Variants in SRP72 observed in about 807,000 individuals in gnomAD.
SRP72 encodes signal recognition particle subunit SRP72.
A neutral mutation model predicts 96.3 loss-of-function variants in SRP72; 49 were observed. That is an observed-to-expected ratio of 0.51 (90% CI 0.40 to 0.65). The LOEUF (loss-of-function observed/expected upper bound fraction) is 0.65, where lower values mean the gene tolerates loss of function less well. Among genes scored for constraint, SRP72 ranks in the 30% least tolerant of loss-of-function variants. The probability of loss-of-function intolerance (pLI) is 0.00; values close to 1 mark genes in which losing one functional copy is unlikely to be tolerated. For synonymous variants in SRP72, 267 were observed against 275.2 expected (o/e 0.97, Z 0.30); for missense variants, 736 against 793.3 (o/e 0.93, Z 0.87).
intron 18 of SRP72, 35 bp from the exon 19 acceptor site, chr4:56,501,649 T>C: frequency 6.3e-6 from 10 of 1,599,444 alleles, no homozygotes; most frequent in Non-Finnish European, 8.5e-6. Context: ...CTTCGTTGAA[T>C]ATATGAGTGA....
At chr4:56,473,976 T>A (rs2110113628) in intron 3 of SRP72, 78 bp from the exon 4 acceptor site, 1 of 1,448,542 alleles carries the variant, frequency 6.9e-7, no homozygotes, top group East Asian at 2.3e-5. Flanking sequence ...ACTTAGTGGT[T>A]CCAAAAAAGG....
Position 56,469,661 on chromosome 4 carries a change from A to G in SRP72, c.118A>G (p.Ile40Val). ...ALKTVNKILQ[I>V]NKDDVTALHC... Reference sequence around the variant, plus strand: ...CTAAAATTGTTCTCTAGTACTACAGATCAACAAAGATGACGTAACTGCCCT... The same window carrying G: ...CTAAAATTGTTCTCTAGTACTACAGGTCAACAAAGATGACGTAACTGCCCT... The change falls in exon 2 of 19, where the codon ATC becomes GTC. Residue 40 changes from isoleucine (I) to valine (V), a missense_variant. Transcript: ENST00000642900. The G allele has an allele frequency of 1.9e-6, 3 of 1,604,510 alleles. No homozygotes were observed. Among genetic ancestry groups the G allele is most frequent in the Non-Finnish European group, 2.6e-6 (3 of 1,173,052 alleles).
chr4:56,475,208 G>A (rs1417621384), intron 5 of SRP72, among the ~76,000 whole-genome samples: 1 of 152,134 alleles, frequency 6.6e-6, no homozygotes, highest in African/African-American at 2.4e-5. Flanking sequence ...AATGTTGAAA[G>A]TTAAAATAAG....
At chr4:56,470,036 G>GCA (rs1433560303) in intron 2 of SRP72, among the ~76,000 whole-genome samples, 1 of 149,426 alleles carries the variant, frequency 6.7e-6, no homozygotes, top group Non-Finnish European at 1.5e-5. Context: ...ACCATAGAGA[G>GCA]TTGTGGGGCA....
intron 16 of SRP72, among the ~76,000 whole-genome samples, chr4:56,493,623 G>A (rs1253865296): frequency 6.6e-6 from 1 of 152,062 alleles, no homozygotes; most frequent in Non-Finnish European, 1.5e-5. Flanking sequence ...CCAGCACTTT[G>A]GGAGGCCAAG....
At chr4:56,479,296 C>T (rs1247953859) in intron 8 of SRP72, among the ~76,000 whole-genome samples, 10 of 152,222 alleles carry the variant, frequency 6.6e-5, no homozygotes, top group East Asian at 3.9e-4. Flanking sequence ...TCTCCTGCCT[C>T]AGCCTCCCAA....
chr4:56,481,594 T>C (rs1201820922), intron 8 of SRP72, among the ~76,000 whole-genome samples: 1 of 148,322 alleles, frequency 6.7e-6, no homozygotes, highest in African/African-American at 2.5e-5. Context: ...TATTTTCTGC[T>C]AAAAAAAAAA....
At chr4:56,488,831 G>C (rs1720809237) in intron 12 of SRP72, among the ~76,000 whole-genome samples, 1 of 152,018 alleles carries the variant, frequency 6.6e-6, no homozygotes, top group African/African-American at 2.4e-5. Context: ...CCTGTCCAGA[G>C]GTTTATCAGT....
chr4:56,474,250 G>A, intron 4 of SRP72, 30 bp from the exon 5 acceptor site: 1 of 1,613,520 alleles, frequency 6.2e-7, no homozygotes, highest in South Asian at 1.1e-5. Context: ...TTCATATTTA[G>A]TATTTAACTG....
intron 5 of SRP72, among the ~76,000 whole-genome samples, chr4:56,475,403 A>AAAAATAT (rs1553945339): frequency 6.6e-6 from 1 of 150,862 alleles, no homozygotes; most frequent in Non-Finnish European, 1.5e-5. Context: ...ACAAAAAAAA[A>AAAAATAT]ATATATATGT....
intron 16 of SRP72, among the ~76,000 whole-genome samples, chr4:56,494,750 C>T (rs1228472524): frequency 1.3e-5 from 2 of 151,822 alleles, no homozygotes; most frequent in Non-Finnish European, 1.5e-5. Flanking sequence ...ATTTTTATGC[C>T]CTTTTTAGTG....
intron 16 of SRP72, among the ~76,000 whole-genome samples, chr4:56,492,961 A>G (rs1005729351): frequency 6.6e-6 from 1 of 152,104 alleles, no homozygotes. Flanking sequence ...CCCCAGCCTG[A>G]GTGACAGAGC....
At chr4:56,484,309 C>G (rs953620570) in intron 9 of SRP72, among the ~76,000 whole-genome samples, 7 of 152,038 alleles carry the variant, frequency 4.6e-5, no homozygotes, top group African/African-American at 1.7e-4. Flanking sequence ...CCTGGGATTA[C>G]AGGCATGAGC....
At chr4:56,488,062 G>A (rs748593972) in intron 12 of SRP72, 49 bp downstream of exon 12, 1 of 1,313,084 alleles carries the variant, frequency 7.6e-7, no homozygotes, top group Non-Finnish European at 1.1e-6. Flanking sequence ...TTGATAATTT[G>A]TATGTCTAAT....
At chr4:56,484,997 G>T in intron 10 of SRP72, 133 bp downstream of exon 10, 1 of 1,101,598 alleles carries the variant, frequency 9.1e-7, no homozygotes, top group South Asian at 2.0e-5. Context: ...AAATTTCATT[G>T]TCATTTTAGT....
rs1490110954 is a variant in SRP72, at chr4:56,502,472, TATATATATATGTATATATATATAC to T, written c.*622_*645del. 1.4e-4 allele frequency: 15 copies of T among 104,848 alleles called. No individual in the cohort carries two copies. Among genetic ancestry groups the T allele is most frequent in the African/African-American group, 3.5e-4 (8 of 23,038 alleles). 6.5% of individuals were successfully genotyped at this position (104,848 alleles called of 1,614,324 possible). ...ATGGGATACTTTTCATGTTTATATA[TATATATATATGTATATATATATAC>T]ATATATATATATATATAAACATGAA... On this transcript the variant is annotated 3_prime_UTR_variant, in exon 19 of 19. Transcript: ENST00000642900.
chr4:56,483,414 A>G, intron 9 of SRP72, 144 bp downstream of exon 9: 1 of 734,696 alleles, frequency 1.4e-6, no homozygotes, highest in South Asian at 2.0e-5. Context: ...CTTCCTCAAA[A>G]TATTATATAT....
intron 9 of SRP72, 85 bp from the exon 10 acceptor site, chr4:56,484,651 T>C (rs967511250): frequency 4.5e-6 from 7 of 1,557,976 alleles, no homozygotes; most frequent in Non-Finnish European, 6.1e-6. Flanking sequence ...CAACTGATTT[T>C]CCCATGTTTC....
intron 6 of SRP72, chr4:56,477,297 C>T (rs1441946370): frequency 1.7e-5 from 2 of 114,818 alleles, no homozygotes; most frequent in African/African-American, 6.8e-5. Context: ...CTCTCTCTCT[C>T]TCTCTTTTTT....
Sources: gnomAD v4.1 joint callset for allele counts (sites outside exome capture counted in the v4.1 genomes callset) on GRCh38, gnomAD v4.1.1 for gene constraint, MANE v1.5 for transcripts, NCBI Gene and HGNC (gene_info 2026-07-23, HGNC 2026-07-21) for gene names.